ZNF385D: variants seen among roughly 807,000 people sequenced by gnomAD.
The protein encoded by ZNF385D is zinc finger protein 385D.
ZNF385D carries 15 observed loss-of-function variants against 35.8 expected under a neutral mutation model. The ratio of observed to expected loss-of-function variants is 0.42; its 90% CI spans 0.28 to 0.64. The LOEUF is 0.64. Ranked by LOEUF, ZNF385D falls within the 30% of genes least tolerant of loss-of-function variation. The pLI, the probability that ZNF385D is intolerant of heterozygous loss-of-function variation, is 0.23. For synonymous variants in ZNF385D, 212 were observed against 186.8 expected (o/e 1.13, Z -1.10); for missense variants, 474 against 494.6 (o/e 0.96, Z 0.39).
intron 1 of ZNF385D, among the ~76,000 whole-genome samples, chr3:21,693,792 T>C (rs1168664529): frequency 6.6e-6 from 1 of 151,950 alleles, no homozygotes; most frequent in Non-Finnish European, 1.5e-5. Context: ...AAAAATGATG[T>C]ATCATTTAGC....
At chr3:21,440,052 A>G (rs933524197) in intron 4 of ZNF385D, among the ~76,000 whole-genome samples, 1 of 152,092 alleles carries the variant, frequency 6.6e-6, no homozygotes, top group Non-Finnish European at 1.5e-5. Context: ...TTTAAGTAGT[A>G]ATGGATTTTT....
chr3:21,699,048 T>C (rs1224850928), intron 1 of ZNF385D, among the ~76,000 whole-genome samples: 3 of 152,190 alleles, frequency 2.0e-5, no homozygotes, highest in South Asian at 2.1e-4. Context: ...TGTATGTTTA[T>C]TGTGGCACTG....
intron 3 of ZNF385D, among the ~76,000 whole-genome samples, chr3:22,085,264 C>G (rs1430654003): frequency 6.6e-6 from 1 of 152,044 alleles, no homozygotes; most frequent in Non-Finnish European, 1.5e-5. Context: ...TCATAAAAAA[C>G]CCTTCAAAAA....
chr3:21,688,873 G>T lies in ZNF385D; in HGVS notation c.23-23845C>A, dbSNP rs141591769. Among the ~76,000 whole-genome samples, 9 of 152,202 alleles carry T rather than the reference G, an allele frequency of 5.9e-5. No homozygotes were observed. The East Asian group carries it at 1.7e-3, about 29-fold the overall frequency. On this transcript the variant is annotated intron_variant, in intron 1 of 7. Transcript: ENST00000281523. ...GGATATCTGAAAATAGTATGTGCATGCTATGAAATTATTATAATGTGCTTG... is the reference window on the plus strand; with the variant it reads ...GGATATCTGAAAATAGTATGTGCATTCTATGAAATTATTATAATGTGCTTG...
In ZNF385D at chr3:22,309,051, G is replaced by T. The variant is rs553699959; in HGVS notation, c.106+63399C>A. Among the ~76,000 whole-genome samples the T allele has an allele frequency of 2.5e-4, 38 of 152,144 alleles. No individual in the cohort carries two copies. The South Asian group carries it at 7.5e-3, about 30-fold the overall frequency. On this transcript the variant is annotated intron_variant, in intron 2 of 5. Transcript: ENST00000494108. ...ACTTGTATGAAAATACTGCCAGAAAGGAAATCATAAGCCAGAAAACCACAC... is the reference window on the plus strand; with the variant it reads ...ACTTGTATGAAAATACTGCCAGAAATGAAATCATAAGCCAGAAAACCACAC...
chr3:22,301,789 T>C (rs1193190542), intron 2 of ZNF385D, among the ~76,000 whole-genome samples: 2 of 152,076 alleles, frequency 1.3e-5, no homozygotes, highest in East Asian at 3.9e-4. Flanking sequence ...TGGCATTATA[T>C]AGAAATACAT....
chr3:22,128,030 T>C (rs1024845792), intron 3 of ZNF385D, among the ~76,000 whole-genome samples: 8 of 152,204 alleles, frequency 5.3e-5, no homozygotes, highest in African/African-American at 1.4e-4. Context: ...TTCTTTTAGA[T>C]TGAAAAACTC....
intron 1 of ZNF385D, among the ~76,000 whole-genome samples, chr3:21,726,822 T>A (rs1398516740): frequency 6.6e-6 from 1 of 152,152 alleles, no homozygotes; most frequent in Non-Finnish European, 1.5e-5. Flanking sequence ...AGAAAACTGC[T>A]TTAAACTTCA....
intron 3 of ZNF385D, among the ~76,000 whole-genome samples, chr3:21,971,071 G>A (rs1224122866): frequency 6.6e-6 from 1 of 152,046 alleles, no homozygotes; most frequent in South Asian, 2.1e-4. Context: ...ACTAAAGGGA[G>A]CTCTTCAATT....
intron 3 of ZNF385D, among the ~76,000 whole-genome samples, chr3:22,088,013 T>C (rs1342029490): frequency 6.6e-6 from 1 of 152,198 alleles, no homozygotes; most frequent in African/African-American, 2.4e-5. Context: ...ATGTTAGTGA[T>C]CAGCTGTTGA....
At chr3:21,464,095 C>A (rs1034210531) in intron 4 of ZNF385D, among the ~76,000 whole-genome samples, 13 of 152,128 alleles carry the variant, frequency 8.5e-5, no homozygotes, top group African/African-American at 1.4e-4. Flanking sequence ...TCATTTAAAT[C>A]TCTCCCCAGA....
chr3:21,564,964 A>G (rs1250613583), intron 2 of ZNF385D, among the ~76,000 whole-genome samples: 1 of 152,220 alleles, frequency 6.6e-6, no homozygotes, highest in Non-Finnish European at 1.5e-5. Context: ...CAGTTTAATA[A>G]CCCTTAAATA....
chr3:22,216,530 T>A (rs1697895791), intron 2 of ZNF385D, among the ~76,000 whole-genome samples: 1 of 152,056 alleles, frequency 6.6e-6, no homozygotes, highest in African/African-American at 2.4e-5. Flanking sequence ...CAGAAAATCT[T>A]AAGCATTGAC....
intron 3 of ZNF385D, among the ~76,000 whole-genome samples, chr3:22,064,628 C>T (rs1699839725): frequency 6.6e-6 from 1 of 152,188 alleles, no homozygotes; most frequent in African/African-American, 2.4e-5. Context: ...GAAATCCTGG[C>T]ATCCACAACA....
At chr3:22,329,755 A>C (rs574135111) in intron 2 of ZNF385D, among the ~76,000 whole-genome samples, 6 of 152,128 alleles carry the variant, frequency 3.9e-5, no homozygotes, top group African/African-American at 7.2e-5. Flanking sequence ...CACAGGAAGA[A>C]GTACAAAGAA....
rs145463720 is a variant in ZNF385D at position 22,102,243 on chromosome 3, A to G, written c.325+66574T>C. Among the ~76,000 whole-genome samples, 805 of 152,008 alleles carry G rather than the reference A, an allele frequency of 5.3e-3. 7 individuals are homozygous for G. The highest frequency in any genetic ancestry group is 0.018 in the African/African-American group (757 of 41,502). ...GTCAATGTTTTTTTGAGCACTTGCT[A>G]TTTGCCAGACACTGCTAAGTATTTT... On this transcript the variant is annotated intron_variant, in intron 3 of 5. Coordinates refer to the ZNF385D transcript ENST00000494108.
chr3:22,117,991 A>G (rs1204834916), intron 3 of ZNF385D, among the ~76,000 whole-genome samples: 1 of 152,080 alleles, frequency 6.6e-6, no homozygotes, highest in Non-Finnish European at 1.5e-5. Context: ...TCAACTTAAA[A>G]AGGGTCAACA....
rs557847812 is a variant in ZNF385D at position 21,582,809 on chromosome 3, G to A, written c.166-18125C>T. 6.0e-5 allele frequency among the ~76,000 whole-genome samples: 9 copies of A among 150,608 alleles called. No individual in the cohort carries two copies. In the South Asian group the frequency reaches 8.4e-4, roughly 14 times the overall value. On this transcript the variant is annotated intron_variant, in intron 2 of 7. Transcript: ENST00000281523. Reference sequence around the variant, plus strand: ...CATTTATCCTTTGAGATGGAGTCTCGCTCTATGGCCCAGGCTGGAGTGCAG... The same window carrying A: ...CATTTATCCTTTGAGATGGAGTCTCACTCTATGGCCCAGGCTGGAGTGCAG...
At chr3:21,602,560 C>T (rs1226676399) in intron 2 of ZNF385D, among the ~76,000 whole-genome samples, 1 of 87,194 alleles carries the variant, frequency 1.1e-5, no homozygotes, top group Non-Finnish European at 2.2e-5. Context: ...GAGTCTTGCT[C>T]TGTCGCCCAG....
Sources: gnomAD v4.1 joint callset for allele counts (sites outside exome capture counted in the v4.1 genomes callset) on GRCh38, gnomAD v4.1.1 for gene constraint, MANE v1.5 for transcripts, NCBI Gene and HGNC (gene_info 2026-07-23, HGNC 2026-07-21) for gene names.